Variants in RBFOX1 observed in about 807,000 individuals in gnomAD.
RBFOX1 encodes the protein RNA binding fox-1 homolog 1.
A neutral mutation model predicts 57.7 loss-of-function variants in RBFOX1; 8 were observed. The observed-to-expected ratio is 0.14, with a 90% CI of 0.08 to 0.25. The LOEUF (loss-of-function observed/expected upper bound fraction) is 0.25. Ranked by LOEUF, RBFOX1 falls within the 10% of genes least tolerant of loss-of-function variation. RBFOX1 has a pLI of 1.00. For missense variants in RBFOX1, 611 were observed against 548.5 expected (o/e 1.11, Z -1.14); for synonymous variants, 326 against 222.4 (o/e 1.47, Z -4.15).
At chr16:5,481,687 A>G (rs2069547367) in intron 2 of RBFOX1, among the ~76,000 whole-genome samples, 1 of 152,168 alleles carries the variant, frequency 6.6e-6, no homozygotes, top group Non-Finnish European at 1.5e-5. Flanking sequence ...CTGCCATCCC[A>G]AAGTACCACA....
chr16:6,706,888 C>G (rs2062848055), intron 3 of RBFOX1, among the ~76,000 whole-genome samples: 1 of 152,046 alleles, frequency 6.6e-6, no homozygotes, highest in Admixed American at 6.6e-5. Context: ...TCTCAGAGAA[C>G]TCCTGTTTTT....
intron 4 of RBFOX1, among the ~76,000 whole-genome samples, chr16:5,960,358 GA>G (rs2059723977): frequency 6.6e-6 from 1 of 152,160 alleles, no homozygotes; most frequent in African/African-American, 2.4e-5. Context: ...CACGGATACG[GA>G]GTGGAAGAAG....
At chr16:7,407,080 A>G (rs1368737047) in intron 4 of RBFOX1, among the ~76,000 whole-genome samples, 2 of 151,998 alleles carry the variant, frequency 1.3e-5, no homozygotes, top group Non-Finnish European at 2.9e-5. Context: ...TTTTATTTTC[A>G]TAGGTTTTTG....
chr16:7,392,577 G>A (rs1226321000), intron 4 of RBFOX1, among the ~76,000 whole-genome samples: 4 of 152,156 alleles, frequency 2.6e-5, no homozygotes, highest in Non-Finnish European at 5.9e-5. Context: ...CCTCCTGTGG[G>A]TTTGTGATGG....
chr16:6,743,586 T>G (rs2154184804), intron 3 of RBFOX1, among the ~76,000 whole-genome samples: 1 of 151,544 alleles, frequency 6.6e-6, no homozygotes, highest in Middle Eastern at 3.4e-3. Flanking sequence ...TACAAAAAAT[T>G]TAAAAATTGA....
chr16:7,397,620 A>G (rs2098164013), intron 4 of RBFOX1, among the ~76,000 whole-genome samples: 1 of 152,334 alleles, frequency 6.6e-6, no homozygotes, highest in East Asian at 1.9e-4. Context: ...TCAATGTAAC[A>G]TCACAAGCGT....
chr16:5,629,969 G>C (rs1026120768), intron 3 of RBFOX1, among the ~76,000 whole-genome samples: 4 of 152,172 alleles, frequency 2.6e-5, no homozygotes, highest in African/African-American at 7.2e-5. Context: ...TCCGTGCCTG[G>C]TGACTGCTGT....
intron 3 of RBFOX1, among the ~76,000 whole-genome samples, chr16:5,674,691 C>T (rs534428529): frequency 6.6e-6 from 1 of 152,288 alleles, no homozygotes; most frequent in East Asian, 1.9e-4. Context: ...GTGGCGAATG[C>T]ATGGACGTTG....
chr16:7,461,132 G>T (rs1221595503), intron 4 of RBFOX1, among the ~76,000 whole-genome samples: 1 of 152,002 alleles, frequency 6.6e-6, no homozygotes, highest in Non-Finnish European at 1.5e-5. Flanking sequence ...ATTTCACGTG[G>T]TTGATAAGAA....
chr16:6,711,422 C>G (rs1229896508), intron 3 of RBFOX1, among the ~76,000 whole-genome samples: 3 of 152,192 alleles, frequency 2.0e-5, no homozygotes, highest in South Asian at 2.1e-4. Flanking sequence ...TGTGTCCCCA[C>G]TCAAATCTCA....
chr16:5,633,384 G>T (rs1021789969), intron 3 of RBFOX1, among the ~76,000 whole-genome samples: 8 of 152,158 alleles, frequency 5.3e-5, no homozygotes, highest in Admixed American at 4.6e-4. Flanking sequence ...GGTTACAGGT[G>T]GTTTTTCATT....
chr16:6,242,900 A>T (rs190676750), intron 1 of RBFOX1, among the ~76,000 whole-genome samples: 2 of 152,104 alleles, frequency 1.3e-5, no homozygotes, highest in African/African-American at 2.4e-5. Context: ...CAGAGTCGTG[A>T]TATATGTGTA....
chr16:5,527,222 C>T (rs1014831946), intron 2 of RBFOX1, among the ~76,000 whole-genome samples: 2 of 152,138 alleles, frequency 1.3e-5, no homozygotes, highest in Non-Finnish European at 1.5e-5. Context: ...TGAGGACCCG[C>T]GATGGGCCCT....
At chr16:7,583,419 A>G (rs892636280) in intron 6 of RBFOX1, among the ~76,000 whole-genome samples, 2 of 152,202 alleles carry the variant, frequency 1.3e-5, no homozygotes, top group African/African-American at 4.8e-5. Context: ...GATGATCCCA[A>G]AAGAGGAATA....
At chr16:7,219,121 G>T (rs906221256) in intron 4 of RBFOX1, among the ~76,000 whole-genome samples, 2 of 152,188 alleles carry the variant, frequency 1.3e-5, no homozygotes, top group Admixed American at 1.3e-4. Flanking sequence ...AGCTGAGCTG[G>T]CTTTGTGTCA....
intron 1 of RBFOX1, among the ~76,000 whole-genome samples, chr16:5,451,785 A>G (rs1012411705): frequency 6.6e-6 from 1 of 152,050 alleles, no homozygotes; most frequent in African/African-American, 2.4e-5. Flanking sequence ...TTCGTGTACC[A>G]GGCTACCTGA....
intron 2 of RBFOX1, among the ~76,000 whole-genome samples, chr16:6,595,373 G>A (rs1163960701): frequency 6.6e-6 from 1 of 152,106 alleles, no homozygotes; most frequent in Non-Finnish European, 1.5e-5. Flanking sequence ...CATCAATGTT[G>A]TACCATGTGT....
At chr16:7,460,389 A>ATATATATATATATATATG in intron 4 of RBFOX1, among the ~76,000 whole-genome samples, 73 of 87,198 alleles carry the variant, frequency 8.4e-4, no homozygotes, top group African/African-American at 3.6e-3. Context: ...ATATATATAT[A>ATATATATATATATATATG]TGTGTGTGTG....
chr16:7,044,841 C>CT (rs35251270), intron 3 of RBFOX1, among the ~76,000 whole-genome samples: 1 of 152,036 alleles, frequency 6.6e-6, no homozygotes, highest in Non-Finnish European at 1.5e-5. Context: ...TTACAGGTGC[C>CT]TTTTTTTCCA....
Sources: allele counts gnomAD v4.1 joint callset (sites outside exome capture counted in the v4.1 genomes callset), GRCh38; gene constraint gnomAD v4.1.1; transcripts MANE v1.5; gene names NCBI Gene and HGNC (gene_info 2026-07-23, HGNC 2026-07-21).